The following GNA14 variants were observed in gnomAD, a reference collection of about 807,000 sequenced individuals.
The protein encoded by GNA14 is G protein subunit alpha 14, also known as guanine nucleotide-binding protein subunit alpha-14.
In GNA14, 50 loss-of-function variants were observed where a neutral mutation model predicts 42.0. The observed-to-expected ratio is 1.19, with a 90% CI of 0.95 to 1.51. The LOEUF is 1.51. Among genes scored for constraint, GNA14 ranks in the 40% most tolerant of loss-of-function variants. GNA14 has a pLI of 0.00. For missense variants in GNA14, 473 were observed against 446.2 expected (o/e 1.06, Z -0.54); for synonymous variants, 173 against 163.1 (o/e 1.06, Z -0.46).
At chr9:77,484,035 A>T (rs138321854) in intron 2 of GNA14, among the ~76,000 whole-genome samples, 171 of 152,348 alleles carry the variant, frequency 1.1e-3, no homozygotes, top group African/African-American at 3.8e-3. Flanking sequence ...AAGAATACAA[A>T]ACAATTTCTC....
At chr9:77,535,361 G>A (rs1587821590) in intron 1 of GNA14, among the ~76,000 whole-genome samples, 1 of 152,160 alleles carries the variant, frequency 6.6e-6, no homozygotes. Flanking sequence ...TGGCTAACAC[G>A]GTGAAACCCC....
intron 1 of GNA14, among the ~76,000 whole-genome samples, chr9:77,620,861 A>T (rs1823910399): frequency 6.6e-6 from 1 of 151,888 alleles, no homozygotes; most frequent in African/African-American, 2.4e-5. Flanking sequence ...AAAAAAAAAA[A>T]AAAAAAAAAA....
intron 1 of GNA14, among the ~76,000 whole-genome samples, chr9:77,606,762 G>A (rs961925522): frequency 1.3e-5 from 2 of 152,128 alleles, no homozygotes; most frequent in Non-Finnish European, 2.9e-5. Context: ...TGTTATGAGC[G>A]GAATGTTTAT....
chr9:77,552,478 C>G (rs1005871957), intron 1 of GNA14, among the ~76,000 whole-genome samples: 4 of 152,186 alleles, frequency 2.6e-5, no homozygotes, highest in Non-Finnish European at 5.9e-5. Flanking sequence ...GTCCTACATT[C>G]TGTGATATGT....
intron 1 of GNA14, among the ~76,000 whole-genome samples, chr9:77,638,365 T>C (rs1185678276): frequency 1.3e-5 from 2 of 152,222 alleles, no homozygotes; most frequent in Non-Finnish European, 2.9e-5. Flanking sequence ...AGCCAAGTTA[T>C]AGAACCAGGC....
chr9:77,493,025 AAATATAT>A (rs1836808481), intron 2 of GNA14, among the ~76,000 whole-genome samples: 2 of 118,832 alleles, frequency 1.7e-5, no homozygotes, highest in Non-Finnish European at 3.4e-5. Context: ...AAAAAAAAAA[AAATATAT>A]ATATATATAT....
At chr9:77,479,634 C>T (rs560041316) in intron 2 of GNA14, among the ~76,000 whole-genome samples, 3 of 151,940 alleles carry the variant, frequency 2.0e-5, no homozygotes, top group Admixed American at 6.6e-5. Flanking sequence ...TTTTCACGAC[C>T]TTGGGCAGTA....
intron 2 of GNA14, among the ~76,000 whole-genome samples, chr9:77,448,515 T>G (rs1835858688): frequency 6.6e-6 from 1 of 152,272 alleles, no homozygotes; most frequent in South Asian, 2.1e-4. Flanking sequence ...TTTGGCAGTT[T>G]AGGTAAATTA....
chr9:77,591,247 C>A (rs1041294897), intron 1 of GNA14, among the ~76,000 whole-genome samples: 2 of 152,194 alleles, frequency 1.3e-5, no homozygotes, highest in Non-Finnish European at 2.9e-5. Context: ...CAGGCATGAG[C>A]CACCACACCC....
rs1328268008 is a variant in GNA14, at chr9:77,648,075, G to A, written c.-282C>T. The A allele has an allele frequency of 4.2e-6, 2 of 474,534 alleles. No individual in the cohort carries two copies. Among genetic ancestry groups the A allele is most frequent in the Non-Finnish European group, 7.4e-6 (2 of 269,254 alleles). 29.4% of individuals were successfully genotyped at this position (474,534 alleles called of 1,614,324 possible). On this transcript the variant is annotated 5_prime_UTR_variant, in exon 1 of 7. Coordinates refer to ENST00000341700, the MANE Select transcript of GNA14 (RefSeq NM_004297.4). ...CTCGCTCTGGGGAGGAGGAGGGCGA[G>A]TCGAGAAGTTGGGAGCGTTGCTGGC...
At chr9:77,614,652 C>T (rs1823781657) in intron 1 of GNA14, among the ~76,000 whole-genome samples, 1 of 152,122 alleles carries the variant, frequency 6.6e-6, no homozygotes, top group Admixed American at 6.5e-5. Context: ...AAAATGCTCC[C>T]CGAAACTCTC....
At chr9:77,502,126 A>T (rs1189994397) in intron 2 of GNA14, among the ~76,000 whole-genome samples, 1 of 152,120 alleles carries the variant, frequency 6.6e-6, no homozygotes, top group Non-Finnish European at 1.5e-5. Flanking sequence ...TAATTCTAAA[A>T]TTTCCATTTT....
chr9:77,484,937 G>A (rs1232124909), intron 2 of GNA14, among the ~76,000 whole-genome samples: 3 of 118,446 alleles, frequency 2.5e-5, no homozygotes, highest in African/African-American at 1.0e-4. Context: ...GATCATCTGA[G>A]CATACAGCAA....
At chr9:77,499,938 T>C (rs1836938458) in intron 2 of GNA14, among the ~76,000 whole-genome samples, 1 of 152,118 alleles carries the variant, frequency 6.6e-6, no homozygotes, top group South Asian at 2.1e-4. Flanking sequence ...ATATAGCATT[T>C]AAACACATGG....
intron 1 of GNA14, among the ~76,000 whole-genome samples, chr9:77,606,517 A>G (rs1215756999): frequency 6.6e-6 from 1 of 152,236 alleles, no homozygotes; most frequent in Non-Finnish European, 1.5e-5. Flanking sequence ...TATCACTAAA[A>G]GAAGTAAAAG....
chr9:77,460,617 C>T (rs1836086946), intron 2 of GNA14, among the ~76,000 whole-genome samples: 1 of 152,188 alleles, frequency 6.6e-6, no homozygotes, highest in Non-Finnish European at 1.5e-5. Context: ...ACTAGAATCC[C>T]TGCAGGTCCT....
intron 1 of GNA14, among the ~76,000 whole-genome samples, chr9:77,575,065 A>C (rs1823108167): frequency 6.6e-6 from 1 of 152,224 alleles, no homozygotes; most frequent in South Asian, 2.1e-4. Context: ...GTACAGCTGG[A>C]GACACAAGAT....
chr9:77,441,008 G>A (rs576818343), intron 2 of GNA14, among the ~76,000 whole-genome samples: 6 of 151,864 alleles, frequency 4.0e-5, no homozygotes, highest in South Asian at 2.1e-4. Flanking sequence ...GAGCCACCGC[G>A]CCCAGCCTGC....
chr9:77,523,904 T>C (rs1473366597), intron 2 of GNA14, among the ~76,000 whole-genome samples: 1 of 152,176 alleles, frequency 6.6e-6, no homozygotes, highest in African/African-American at 2.4e-5. Flanking sequence ...ATTTTTTTCC[T>C]TCACTGTAGG....
Sources: allele counts gnomAD v4.1 joint callset (sites outside exome capture counted in the v4.1 genomes callset), GRCh38; gene constraint gnomAD v4.1.1; transcripts MANE v1.5; gene names NCBI Gene and HGNC (gene_info 2026-07-23, HGNC 2026-07-21).